TFAP2B: variants seen among roughly 807,000 people sequenced by gnomAD.
TFAP2B encodes transcription factor AP-2-beta.
TFAP2B carries 9 observed loss-of-function variants against 44.3 expected under a neutral mutation model. The observed-to-expected ratio is 0.20, with a 90% CI of 0.12 to 0.35. The LOEUF (loss-of-function observed/expected upper bound fraction) is 0.35. TFAP2B is among the 10% of genes least tolerant of loss of function. TFAP2B has a pLI of 1.00. For missense variants in TFAP2B, 509 were observed against 600.0 expected (o/e 0.85, Z 1.59); for synonymous variants, 270 against 263.8 (o/e 1.02, Z -0.23).
At chr6:50,823,204 T>C (rs538238178) in intron 1 of TFAP2B, among the ~76,000 whole-genome samples, 3 of 152,320 alleles carry the variant, frequency 2.0e-5, no homozygotes, top group African/African-American at 4.8e-5. Flanking sequence ...GCTGAAATCA[T>C]GTGGCCCTCT....
intron 5 of TFAP2B, 93 bp downstream of exon 5, chr6:50,838,186 C>T (rs1007601037): frequency 2.4e-5 from 25 of 1,062,078 alleles, no homozygotes; most frequent in African/African-American, 1.7e-4. Context: ...AACTGGAAAT[C>T]GTTGTGATTG....
chr6:50,841,755 T>G (rs1195776541), intron 6 of TFAP2B, among the ~76,000 whole-genome samples: 1 of 152,190 alleles, frequency 6.6e-6, no homozygotes, highest in African/African-American at 2.4e-5. Context: ...GTGTACCTCT[T>G]AAGAGCTTAA....
At chr6:50,820,306 C>A (rs1042774399) in intron 1 of TFAP2B, among the ~76,000 whole-genome samples, 1 of 152,174 alleles carries the variant, frequency 6.6e-6, no homozygotes, top group Non-Finnish European at 1.5e-5. Flanking sequence ...TAAGAGTGGG[C>A]GACTCACAGG....
chr6:50,823,780 A>G lies in TFAP2B; in HGVS notation c.455A>G (p.His152Arg), dbSNP rs1196724106. The change falls in exon 2 of 7, where the codon CAT becomes CGT. Residue 152 changes from histidine to arginine, a missense_variant. This residue lies in a region of TFAP2B where 296 missense variants were observed against 308.2 expected (regional missense o/e 0.96). Coordinates refer to ENST00000393655, the MANE Select transcript of TFAP2B (RefSeq NM_003221.4). ...GTCCGCCGGCCGGACGTGCTGCTGC[A>G]TTCGGCGCACCACGGCCTGGACGCG... ...HSVRRPDVLL[H>R]SAHHGLDAGM... The G allele has an allele frequency of 6.3e-7, 1 of 1,592,078 alleles. No homozygotes were observed. The highest frequency in any genetic ancestry group is 1.1e-5 in the South Asian group (1 of 88,338).
Position 50,836,068 on chromosome 6 carries a change from TC to T in TFAP2B, c.611del (p.Pro204LeufsTer5). 6.2e-7 allele frequency: 1 copy of T among 1,614,030 alleles called. No homozygotes were observed. Reference protein sequence around the residue: ...DQSVIKKVPVPPKSVTSLMMN... With the variant: ...DQSVIKKVPVXPKSVTSLMMN... The stretch of plus-strand genomic sequence containing the variant: ...TTTTTTCTCTCTTTCTAGTTCCAGT[TC>T]CTCCCAAATCGGTGACTTCTCTAAT... On this transcript the variant is annotated frameshift_variant, in exon 4 of 7. Transcript: ENST00000393655. LOFTEE classifies it high-confidence loss of function.
At position 50,837,045 on chromosome 6, in the gene TFAP2B, G is replaced by A. The variant is rs575700527; in HGVS notation, c.821+765G>A. 2.6e-5 allele frequency among the ~76,000 whole-genome samples: 4 copies of A among 152,332 alleles called. No individual in the cohort carries two copies. In the South Asian group the frequency reaches 8.3e-4, roughly 32 times the overall value. On this transcript the variant is annotated intron_variant, in intron 4 of 6. Transcript: ENST00000393655. Reference sequence around the variant, plus strand: ...GCCAATGCCTGAACACTTTGGCAGTGTCCCTGATATGAAAGTGACTTTGTC... The same window carrying A: ...GCCAATGCCTGAACACTTTGGCAGTATCCCTGATATGAAAGTGACTTTGTC...
rs1301887930 is a variant in TFAP2B, at chr6:50,824,356, T to G, written c.540+491T>G. On this transcript the variant is annotated intron_variant, in intron 2 of 6. Coordinates refer to ENST00000393655, the MANE Select transcript of TFAP2B (RefSeq NM_003221.4). ...GGCCTCTGTATGCTCCAGAGGTTGC[T>G]GCTGAATTTGCAAAGATTTTGCTAA... 2.0e-5 allele frequency among the ~76,000 whole-genome samples: 3 copies of G among 152,232 alleles called. No individual in the cohort carries two copies. The East Asian group carries it at 5.8e-4, about 29-fold the overall frequency.
At chr6:50,840,018 G>A in intron 5 of TFAP2B, 138 bp from the exon 6 acceptor site, 2 of 1,114,832 alleles carry the variant, frequency 1.8e-6, no homozygotes, top group South Asian at 1.3e-5. Flanking sequence ...TTTTCCTTTA[G>A]GCATCTCTCA....
At chr6:50,834,893 G>T (rs1762588461) in intron 3 of TFAP2B, among the ~76,000 whole-genome samples, 1 of 152,222 alleles carries the variant, frequency 6.6e-6, no homozygotes, top group African/African-American at 2.4e-5. Flanking sequence ...TACAGGGAAA[G>T]TCAGGAGGTA....
intron 2 of TFAP2B, among the ~76,000 whole-genome samples, chr6:50,825,939 CG>C (rs1770491791): frequency 6.6e-6 from 1 of 152,152 alleles, no homozygotes; most frequent in African/African-American, 2.4e-5. Flanking sequence ...TCTGCCTCCG[CG>C]GTGATGACAG....
At chr6:50,824,626 G>T (rs991674416) in intron 2 of TFAP2B, among the ~76,000 whole-genome samples, 1 of 152,048 alleles carries the variant, frequency 6.6e-6, no homozygotes, top group Non-Finnish European at 1.5e-5. Context: ...CCTGGCCTCC[G>T]CCTATATTAA....
intron 2 of TFAP2B, among the ~76,000 whole-genome samples, chr6:50,826,930 A>G (rs899105825): frequency 6.6e-6 from 1 of 152,150 alleles, no homozygotes; most frequent in Non-Finnish European, 1.5e-5. Context: ...ATGCAGTCCT[A>G]ATTAAATCTT....
chr6:50,820,036 TA>T (rs1241260628), intron 1 of TFAP2B, among the ~76,000 whole-genome samples: 1 of 151,620 alleles, frequency 6.6e-6, no homozygotes, highest in African/African-American at 2.4e-5. Context: ...AGGTTGGAAA[TA>T]AAAACTTCGG....
At chr6:50,835,231 C>T (rs1274636175) in intron 3 of TFAP2B, among the ~76,000 whole-genome samples, 6 of 152,318 alleles carry the variant, frequency 3.9e-5, no homozygotes, top group East Asian at 1.9e-4. Context: ...GCAAGACCGC[C>T]GCTCATATGA....
chr6:50,837,878 AC>A (rs1383367043), intron 4 of TFAP2B, 96 bp from the exon 5 acceptor site: 4 of 991,402 alleles, frequency 4.0e-6, no homozygotes, highest in Admixed American at 3.4e-5. Flanking sequence ...TCAAGTTAAA[AC>A]CTCTTCAAGC....
At chr6:50,841,494 TA>T (rs1250771929) in intron 6 of TFAP2B, among the ~76,000 whole-genome samples, 1 of 151,942 alleles carries the variant, frequency 6.6e-6, no homozygotes, top group African/African-American at 2.4e-5. Context: ...GGGAAAAAAA[TA>T]AAACCAAACT....
intron 2 of TFAP2B, among the ~76,000 whole-genome samples, chr6:50,827,968 G>T (rs990857382): frequency 7.9e-5 from 12 of 152,282 alleles, no homozygotes; most frequent in African/African-American, 2.9e-4. Flanking sequence ...CTTCCTAACA[G>T]GTGTGCTCCT....
chr6:50,827,684 C>T lies in TFAP2B; in HGVS notation c.541-935C>T, dbSNP rs543485135. 3.3e-5 allele frequency among the ~76,000 whole-genome samples: 5 copies of T among 152,244 alleles called. No homozygotes were observed. The South Asian group carries it at 6.2e-4, about 19-fold the overall frequency. ...AAAGTAGTTGTAGATTTTAGAAAGA[C>T]CTAGCATTTATTTTCTTGGTAGGGA... On this transcript the variant is annotated intron_variant, in intron 2 of 6. Transcript: ENST00000393655.
Position 50,823,473 on chromosome 6 carries a change from C to A in TFAP2B, c.148C>A (p.Pro50Thr). The change falls in exon 2 of 7, where the codon CCC becomes ACC. Residue 50 changes from proline (P) to threonine (T), a missense_variant. Pro to Thr is a conservative substitution (Grantham distance 38). Coordinates refer to ENST00000393655, the MANE Select transcript of TFAP2B (RefSeq NM_003221.4). ...CCAGCTGGGCTCGGTGTCCCAAGGA[C>A]CCTACTCGAGCGCCCCGCCGCTGTC... ...LSQLGSVSQGPYSSAPPLSHT... is the reference protein window; with the variant it reads ...LSQLGSVSQGTYSSAPPLSHT... The A allele has an allele frequency of 6.2e-7, 1 of 1,612,288 alleles. No individual in the cohort carries two copies. Among genetic ancestry groups the A allele is most frequent in the Non-Finnish European group, 8.5e-7 (1 of 1,179,402 alleles).
Sources: gnomAD v4.1 joint callset for allele counts (sites outside exome capture counted in the v4.1 genomes callset) on GRCh38, gnomAD v4.1.1 for gene constraint, gnomAD v4.1.1 regional missense constraint, MANE v1.5 for transcripts, NCBI Gene and HGNC (gene_info 2026-07-23, HGNC 2026-07-21) for gene names.